The following TENM2 variants were observed in gnomAD, a reference collection of about 807,000 sequenced individuals.
The protein encoded by TENM2 is teneurin-2.
Under a neutral mutation model 245.2 loss-of-function variants are expected in TENM2, and 52 were observed. That is an observed-to-expected ratio of 0.21 (90% CI 0.17 to 0.27). The LOEUF is 0.27. Ranked by LOEUF, TENM2 falls within the 10% of genes least tolerant of loss-of-function variation. The pLI is 1.00. For synonymous variants in TENM2, 1,363 were observed against 1,438.9 expected, an observed-to-expected ratio of 0.95 and a Z score of 1.19; for missense variants, 3,046 against 3,666.8, an observed-to-expected ratio of 0.83 and a Z score of 4.37.
chr5:167,880,473 T>C (rs956187801), intron 3 of TENM2, among the ~76,000 whole-genome samples: 1 of 152,210 alleles, frequency 6.6e-6, no homozygotes, highest in Non-Finnish European at 1.5e-5. Context: ...AACTTGATTT[T>C]AAGCTTCCTA....
intron 13 of TENM2, chr5:168,186,501 A>G (rs1257591103): frequency 6.6e-6 from 1 of 152,128 alleles, no homozygotes; most frequent in African/African-American, 2.4e-5. Context: ...GCCCCGTTTC[A>G]CTGAGTGAAG....
intron 5 of TENM2, among the ~76,000 whole-genome samples, chr5:168,031,883 A>G (rs1196862805): frequency 2.0e-5 from 3 of 152,096 alleles, no homozygotes; most frequent in African/African-American, 4.8e-5. Flanking sequence ...AAAAACCAAG[A>G]CTGGGACCTG....
At chr5:167,338,662 C>T (rs1214716880) in intron 1 of TENM2, among the ~76,000 whole-genome samples, 2 of 152,162 alleles carry the variant, frequency 1.3e-5, no homozygotes, top group African/African-American at 4.8e-5. Flanking sequence ...TATATGGGGA[C>T]CACACTACCT....
chr5:168,017,176 T>A (rs1199903637), intron 5 of TENM2, among the ~76,000 whole-genome samples: 1 of 152,164 alleles, frequency 6.6e-6, no homozygotes, highest in Non-Finnish European at 1.5e-5. Context: ...CAATTGATGA[T>A]TGATGTTAGA....
At chr5:166,981,611 G>T in the TENM2 span, among the ~76,000 whole-genome samples, 2 of 152,126 alleles carry the variant, frequency 1.3e-5, no homozygotes, top group Non-Finnish European at 2.9e-5. Flanking sequence ...GGCTTATTTT[G>T]CTAGGCTCGT....
At chr5:167,556,738 T>C (rs1773284337) in intron 2 of TENM2, among the ~76,000 whole-genome samples, 2 of 152,170 alleles carry the variant, frequency 1.3e-5, no homozygotes, top group South Asian at 4.1e-4. Flanking sequence ...TGATGTATAC[T>C]GGCTGCCTAG....
intron 4 of TENM2, among the ~76,000 whole-genome samples, chr5:167,985,098 G>C (rs564643006): frequency 1.7e-4 from 26 of 152,138 alleles, no homozygotes; most frequent in Non-Finnish European, 3.5e-4. Flanking sequence ...CTCTTTTAGA[G>C]ACAATAAACC....
chr5:167,675,162 A>T (rs1756233992), intron 2 of TENM2, among the ~76,000 whole-genome samples: 1 of 152,156 alleles, frequency 6.6e-6, no homozygotes, highest in South Asian at 2.1e-4. Context: ...AAGTGCTTAT[A>T]GTCTAATGAA....
At chr5:168,041,469 C>T (rs895725819) in intron 5 of TENM2, among the ~76,000 whole-genome samples, 1 of 152,172 alleles carries the variant, frequency 6.6e-6, no homozygotes, top group Non-Finnish European at 1.5e-5. Flanking sequence ...TCCCCTTCGG[C>T]GTGCTCTTCC....
At chr5:167,533,950 G>A (rs1256729595) in intron 2 of TENM2, among the ~76,000 whole-genome samples, 1 of 152,144 alleles carries the variant, frequency 6.6e-6, no homozygotes, top group Non-Finnish European at 1.5e-5. Context: ...GTGGTTTGTA[G>A]ACAAGCTATT....
rs1306894196 is a variant in TENM2 at position 168,125,067 on chromosome 5, T to G, written c.2209+17T>G. ...GCTCTGTTGGTAAGCCACAAGGTTTTCTCCTTCCTCTCTCCAACACTCCTG... is the reference window on the plus strand; with the variant it reads ...GCTCTGTTGGTAAGCCACAAGGTTTGCTCCTTCCTCTCTCCAACACTCCTG... On this transcript the variant is annotated intron_variant, in intron 11 of 28. Transcript: ENST00000518659. 3 of 1,590,132 alleles carry G rather than the reference T, an allele frequency of 1.9e-6. No homozygotes were observed. The highest frequency in any genetic ancestry group is 2.6e-6 in the Non-Finnish European group (3 of 1,168,002).
chr5:167,681,973 C>T (rs754487702), intron 2 of TENM2, among the ~76,000 whole-genome samples: 11 of 151,978 alleles, frequency 7.2e-5, no homozygotes, highest in Non-Finnish European at 1.2e-4. Flanking sequence ...CATGTGTGCA[C>T]ATGCATTCTG....
chr5:166,991,334 C>T, the TENM2 span, among the ~76,000 whole-genome samples: 5 of 151,560 alleles, frequency 3.3e-5, no homozygotes, highest in Admixed American at 2.0e-4. Context: ...TATACCAGTA[C>T]ATCAAATTGA....
chr5:167,614,534 G>T (rs866296758), intron 2 of TENM2, among the ~76,000 whole-genome samples: 2 of 152,148 alleles, frequency 1.3e-5, no homozygotes, highest in Middle Eastern at 3.4e-3. Context: ...AAAGTAGTGT[G>T]GTCTGTTAAC....
chr5:167,075,758 C>T, the TENM2 span, among the ~76,000 whole-genome samples: 1 of 152,140 alleles, frequency 6.6e-6, no homozygotes, highest in Non-Finnish European at 1.5e-5. Context: ...TTGCAGAAAA[C>T]TCCTACGAAC....
At chr5:167,079,936 G>A in the TENM2 span, among the ~76,000 whole-genome samples, 1 of 152,160 alleles carries the variant, frequency 6.6e-6, no homozygotes, top group East Asian at 1.9e-4. Context: ...TCCAGCAGTG[G>A]GCCTTCTACA....
At chr5:167,378,069 G>A (rs1760872409) in intron 2 of TENM2, among the ~76,000 whole-genome samples, 1 of 151,978 alleles carries the variant, frequency 6.6e-6, no homozygotes, top group Non-Finnish European at 1.5e-5. Context: ...TCATTTCTTG[G>A]TGGGATTTTG....
rs147764655 is a variant in TENM2, at chr5:167,961,304, G to A, written c.947+8482G>A. Among the ~76,000 whole-genome samples, 11 of 152,304 alleles carry A rather than the reference G, an allele frequency of 7.2e-5. No individual in the cohort carries two copies. The East Asian group carries it at 2.1e-3, about 29-fold the overall frequency. ...AAACCATTAATAAACAGCTTTGCTG[G>A]AAGCTGACTGGCTGGCCAGGCTTAA... On this transcript the variant is annotated intron_variant, in intron 4 of 28. Transcript: ENST00000518659.
intron 1 of TENM2, among the ~76,000 whole-genome samples, chr5:167,357,100 A>G (rs987574870): frequency 6.6e-6 from 1 of 152,098 alleles, no homozygotes; most frequent in Admixed American, 6.6e-5. Flanking sequence ...ATGAATTCCA[A>G]TATTTTGAGG....
Sources: allele counts gnomAD v4.1 joint callset (sites outside exome capture counted in the v4.1 genomes callset), GRCh38; gene constraint gnomAD v4.1.1; transcripts MANE v1.5; gene names NCBI Gene and HGNC (gene_info 2026-07-23, HGNC 2026-07-21).